The following BRD7 variants were observed in gnomAD, a reference collection of about 807,000 sequenced individuals.
BRD7 encodes bromodomain-containing protein 7.
Under a neutral mutation model 82.1 loss-of-function variants are expected in BRD7, and 15 were observed. That is an observed-to-expected ratio of 0.18 (90% CI 0.12 to 0.28). The LOEUF (loss-of-function observed/expected upper bound fraction) is 0.28, where lower values mean the gene tolerates loss of function less well. BRD7 is among the 10% of genes least tolerant of loss of function. The probability of loss-of-function intolerance (pLI) is 1.00; values close to 1 mark genes in which losing one functional copy is unlikely to be tolerated. For missense variants in BRD7, 638 were observed against 779.9 expected (o/e 0.82, Z 2.17); for synonymous variants, 232 against 266.9 (o/e 0.87, Z 1.27).
intron 16 of BRD7, 91 bp downstream of exon 16, chr16:50,319,796 C>G: frequency 6.7e-7 from 1 of 1,495,712 alleles, no homozygotes; most frequent in Middle Eastern, 2.5e-4. Flanking sequence ...AATACCAAAT[C>G]CGAGGTCCTG....
At chr16:50,354,998 G>T (rs1245432385) in intron 2 of BRD7, 76 bp from the exon 3 acceptor site, 38 of 1,473,010 alleles carry the variant, frequency 2.6e-5, no homozygotes, top group Non-Finnish European at 3.3e-5. Context: ...ATTTTAAGGG[G>T]TAAAAAGACA....
intron 2 of BRD7, among the ~76,000 whole-genome samples, chr16:50,365,025 G>A (rs1364074139): frequency 6.6e-6 from 1 of 152,160 alleles, no homozygotes. Flanking sequence ...CAAATGGGGT[G>A]ATTTGCAGAA....
At chr16:50,355,683 G>A (rs2038704486) in intron 2 of BRD7, among the ~76,000 whole-genome samples, 1 of 152,178 alleles carries the variant, frequency 6.6e-6, no homozygotes, top group Non-Finnish European at 1.5e-5. Context: ...ATACACAAAA[G>A]TGAATTCCAG....
Position 50,368,749 on chromosome 16 carries a change from T to C in BRD7, c.26A>G (p.Lys9Arg), listed in dbSNP as rs748011220. 1 of 1,549,914 alleles carries C rather than the reference T, an allele frequency of 6.5e-7. No homozygotes were observed. Among genetic ancestry groups the C allele is most frequent in the South Asian group, 1.2e-5 (1 of 86,512 alleles). The change falls in exon 1 of 17, where the codon AAG (lysine) becomes AGG (arginine). Residue 9 changes from lysine to arginine, a missense_variant. Physicochemically the swap from Lys to Arg is conservative, Grantham distance 26 (BLOSUM62 2). Coordinates refer to ENST00000394688, the MANE Select transcript of BRD7 (RefSeq NM_013263.5). Reference sequence around the variant, plus strand: ...ACCCTCGTAGAGGTGTTTGTCCGACTTGTGCTTCTTGTGCTTCTTGCCCAT... The same window carrying C: ...ACCCTCGTAGAGGTGTTTGTCCGACCTGTGCTTCTTGTGCTTCTTGCCCAT... Reference protein sequence around the residue: MGKKHKKHKSDKHLYEEYV... With the variant: MGKKHKKHRSDKHLYEEYV...
At chr16:50,354,769 T>C in intron 3 of BRD7, 24 bp downstream of exon 3, 4 of 1,604,974 alleles carry the variant, frequency 2.5e-6, no homozygotes, top group Non-Finnish European at 3.4e-6. Context: ...TCATTCAGGA[T>C]AGTTAATTCA....
At position 50,318,415 on chromosome 16, in the gene BRD7, A is replaced by ATCTATCTC. The variant is rs1555527956; in HGVS notation, c.*795_*796insGAGATAGA. Reference sequence around the variant, plus strand: ...ACTGAACAAGGCTATCTATCTATCTATCTCCATCCTGATTTTTTTCCCTTG... The same window carrying ATCTATCTC: ...ACTGAACAAGGCTATCTATCTATCTATCTATCTCTCTCCATCCTGATTTTTTTCCCTTG... On this transcript the variant is annotated 3_prime_UTR_variant, in exon 17 of 17. Transcript: ENST00000394688. 1 of 151,946 alleles carries ATCTATCTC rather than the reference A, an allele frequency of 6.6e-6. No homozygotes were observed. Among genetic ancestry groups the ATCTATCTC allele is most frequent in the Non-Finnish European group, 1.5e-5 (1 of 67,988 alleles). 9.4% of individuals were successfully genotyped at this position (151,946 alleles called of 1,614,324 possible).
At chr16:50,348,415 T>C (rs2151184463) in intron 5 of BRD7, among the ~76,000 whole-genome samples, 1 of 152,216 alleles carries the variant, frequency 6.6e-6, no homozygotes, top group Admixed American at 6.5e-5. Flanking sequence ...ACAAATGGGA[T>C]CTCATTAAAC....
rs906342389 is a variant in BRD7, at chr16:50,354,341, TGGAGTTA to T, written c.446+77_446+83del. ...CATTCACTTTAAAATCACGTATGTTTGGAGTTAGGCACAAATGTGGTTTGGATCCTAC... is the reference window on the plus strand; with the variant it reads ...CATTCACTTTAAAATCACGTATGTTTGGCACAAATGTGGTTTGGATCCTAC... On this transcript the variant is annotated intron_variant, in intron 4 of 16. Coordinates refer to ENST00000394688, the MANE Select transcript of BRD7 (RefSeq NM_013263.5). 14 of 1,162,166 alleles carry T rather than the reference TGGAGTTA, an allele frequency of 1.2e-5. No homozygotes were observed. In the African/African-American group the frequency reaches 2.2e-4, roughly 18 times the overall value. 72.0% of individuals were successfully genotyped at this position (1,162,166 alleles called of 1,614,324 possible).
At position 50,354,661 on chromosome 16, in the gene BRD7, T is replaced by C. The variant is rs147209641; in HGVS notation, c.388+132A>G. On this transcript the variant is annotated intron_variant, in intron 3 of 16. Coordinates refer to ENST00000394688, the MANE Select transcript of BRD7 (RefSeq NM_013263.5). ...AATTGAAGCTAATTTAAAGCTCTTA[T>C]GCAGTTTGAGAGAAAAAACTTAAAA... The C allele has an allele frequency of 1.3e-4, 170 of 1,302,400 alleles. No individual in the cohort carries two copies. In the African/African-American group the frequency reaches 2.2e-3, roughly 17 times the overall value. The allele number at this position is 1,302,400 out of a possible 1,614,324, so 80.7% of individuals were successfully genotyped here.
At chr16:50,352,389 T>C (rs558223068) in intron 4 of BRD7, among the ~76,000 whole-genome samples, 1 of 152,368 alleles carries the variant, frequency 6.6e-6, no homozygotes, top group South Asian at 2.1e-4. Flanking sequence ...TTCTTTTTAA[T>C]GGTGGAATAA....
At chr16:50,350,748 C>G (rs1252724830) in intron 4 of BRD7, among the ~76,000 whole-genome samples, 1 of 152,154 alleles carries the variant, frequency 6.6e-6, no homozygotes, top group Non-Finnish European at 1.5e-5. Context: ...ACCCCAAAAT[C>G]AGAAACTCAA....
In BRD7 at chr16:50,362,530, C is replaced by T. The variant is rs575865692; in HGVS notation, c.258+5560G>A. On this transcript the variant is annotated intron_variant, in intron 2 of 16. Transcript: ENST00000394688. Reference sequence around the variant, plus strand: ...TTCCTCGCAGCATTATTCATAACAGCCAAAAGGTGGAAGCAAACCACATGT... The same window carrying T: ...TTCCTCGCAGCATTATTCATAACAGTCAAAAGGTGGAAGCAAACCACATGT... Among the ~76,000 whole-genome samples, 7 of 144,300 alleles carry T rather than the reference C, an allele frequency of 4.9e-5. No homozygotes were observed. The South Asian group carries it at 1.6e-3, about 32-fold the overall frequency. 94.7% of individuals were successfully genotyped at this position (144,300 alleles called of 152,430 possible).
intron 2 of BRD7, among the ~76,000 whole-genome samples, chr16:50,363,660 T>C (rs112290539): frequency 4.5e-4 from 46 of 102,508 alleles, no homozygotes; most frequent in Admixed American, 6.7e-4. Context: ...TGTGTGTGTG[T>C]GCGCGCGCGC....
At chr16:50,327,415 T>C (rs904865668) in intron 9 of BRD7, among the ~76,000 whole-genome samples, 4 of 152,240 alleles carry the variant, frequency 2.6e-5, no homozygotes, top group Non-Finnish European at 5.9e-5. Flanking sequence ...ACAGCTATAG[T>C]AGAAAGAGCA....
intron 4 of BRD7, among the ~76,000 whole-genome samples, chr16:50,353,071 C>CT (rs148217111): frequency 0.013 from 1,872 of 144,752 alleles, 25 homozygotes; most frequent in African/African-American, 0.032. Flanking sequence ...TCAGTAAGTT[C>CT]TTTTTTTTTT....
Position 50,317,142 on chromosome 16 carries a change from T to G in BRD7, c.*2069A>C, listed in dbSNP as rs1160572588. On this transcript the variant is annotated 3_prime_UTR_variant, in exon 17 of 17. Transcript: ENST00000394688. ...TCAGCCCGAGGAAGGGCAGGTGTAT[T>G]CTAATTTGCACAAAGGTGCTGGGTA... is the stretch of plus-strand genomic sequence containing the variant. The G allele has an allele frequency of 6.5e-6, 1 of 152,782 alleles. No homozygotes were observed. Among genetic ancestry groups the G allele is most frequent in the Non-Finnish European group, 1.5e-5 (1 of 68,064 alleles). The allele number at this position is 152,782 out of a possible 1,614,324, so 9.5% of individuals were successfully genotyped here.
chr16:50,357,270 T>C (rs1343387860), intron 2 of BRD7, among the ~76,000 whole-genome samples: 1 of 152,192 alleles, frequency 6.6e-6, no homozygotes, highest in Non-Finnish European at 1.5e-5. Context: ...TGAGAATCAC[T>C]GATCTAGAGC....
chr16:50,366,561 T>C (rs1247115560), intron 2 of BRD7, among the ~76,000 whole-genome samples: 2 of 152,262 alleles, frequency 1.3e-5, no homozygotes, highest in South Asian at 2.1e-4. Context: ...TAACCAATAA[T>C]TGTGATGTAC....
intron 6 of BRD7, among the ~76,000 whole-genome samples, chr16:50,338,362 A>G (rs761542880): frequency 6.6e-6 from 1 of 152,240 alleles, no homozygotes; most frequent in Non-Finnish European, 1.5e-5. Flanking sequence ...ATAATCAACA[A>G]TCCAAACATG....
Sources: gnomAD v4.1 joint callset for allele counts (sites outside exome capture counted in the v4.1 genomes callset) on GRCh38, gnomAD v4.1.1 for gene constraint, MANE v1.5 for transcripts, NCBI Gene and HGNC (gene_info 2026-07-23, HGNC 2026-07-21) for gene names.